EFCAB6: variants seen among roughly 807,000 people sequenced by gnomAD.
EFCAB6 encodes the protein EF-hand calcium-binding domain-containing protein 6.
A neutral mutation model predicts 169.8 loss-of-function variants in EFCAB6; 156 were observed. The ratio of observed to expected loss-of-function variants is 0.92; its 90% CI spans 0.81 to 1.05. EFCAB6 has a LOEUF of 1.05. Ranked by LOEUF, EFCAB6 falls within the 50% of genes least tolerant of loss-of-function variation. The pLI, the probability that EFCAB6 is intolerant of heterozygous loss-of-function variation, is 0.00. For synonymous variants in EFCAB6, 698 were observed against 676.4 expected (o/e 1.03, Z -0.50); for missense variants, 1,800 against 1,829.1 (o/e 0.98, Z 0.29).
intron 13 of EFCAB6, among the ~76,000 whole-genome samples, chr22:43,675,277 AATATAATT>A (rs2057677235): frequency 7.4e-6 from 1 of 135,224 alleles, no homozygotes; most frequent in African/African-American, 2.7e-5. Context: ...ATTATGCTAT[AATATAATT>A]ATTATATAGC....
At chr22:43,621,461 A>T (rs895468392) in intron 20 of EFCAB6, among the ~76,000 whole-genome samples, 28 of 152,158 alleles carry the variant, frequency 1.8e-4, no homozygotes, top group African/African-American at 6.5e-4. Flanking sequence ...CCATGGATCC[A>T]AGAGGAAGTC....
At chr22:43,579,286 G>A (rs1266328669) in intron 25 of EFCAB6, among the ~76,000 whole-genome samples, 1 of 146,804 alleles carries the variant, frequency 6.8e-6, no homozygotes, top group Non-Finnish European at 1.5e-5. Flanking sequence ...TTCCCTATAC[G>A]CAGGCATTAT....
intron 6 of EFCAB6, among the ~76,000 whole-genome samples, chr22:43,743,478 C>T (rs1377197833): frequency 6.6e-6 from 1 of 152,200 alleles, no homozygotes; most frequent in Non-Finnish European, 1.5e-5. Context: ...GGGAAAGCAG[C>T]CTGATTCCTC....
intron 20 of EFCAB6, among the ~76,000 whole-genome samples, chr22:43,624,396 A>G (rs980059538): frequency 6.6e-6 from 1 of 152,042 alleles, no homozygotes; most frequent in Non-Finnish European, 1.5e-5. Flanking sequence ...CTGCCTACTG[A>G]TAGAAGGTGA....
intron 2 of EFCAB6, among the ~76,000 whole-genome samples, chr22:43,783,321 G>A (rs369300725): frequency 5.3e-5 from 8 of 152,280 alleles, no homozygotes; most frequent in Non-Finnish European, 1.0e-4. Flanking sequence ...TTGAAAAAGC[G>A]CCCACATATT....
intron 17 of EFCAB6, among the ~76,000 whole-genome samples, chr22:43,636,676 C>T (rs1189332611): frequency 6.7e-6 from 1 of 148,530 alleles, no homozygotes; most frequent in African/African-American, 2.5e-5. Flanking sequence ...AACGGTGCTA[C>T]CTAGGTGCAC....
At chr22:43,541,366 G>A (rs558824200) in intron 27 of EFCAB6, among the ~76,000 whole-genome samples, 1 of 152,298 alleles carries the variant, frequency 6.6e-6, no homozygotes, top group East Asian at 1.9e-4. Flanking sequence ...TTGGGACAAG[G>A]TTCTCAATTT....
chr22:43,664,141 G>A (rs971495585), intron 17 of EFCAB6, among the ~76,000 whole-genome samples: 4 of 152,176 alleles, frequency 2.6e-5, no homozygotes, highest in African/African-American at 4.8e-5. Flanking sequence ...CTTTGGGGTC[G>A]GCCAGCACCC....
rs367565154 is a variant in EFCAB6, at chr22:43,554,898, G to A, written c.3619C>T (p.Arg1207Cys). 1.3e-5 allele frequency: 21 copies of A among 1,614,166 alleles called. No homozygotes were observed. The highest frequency in any genetic ancestry group is 5.3e-5 in the African/African-American group (4 of 75,034). ...TCGTCCGTCAGGATTTGGACGCGGC[G>A]ATTACAAATGGCCCTAAACTCCTCT... ...SREEFRAICN[R>C]RVQILTDEQF... is the part of the protein sequence containing the mutation. The change falls in exon 27 of 32, where the codon CGC (arginine) becomes TGC (cysteine). Residue 1207 changes from arginine to cysteine, a missense_variant. Physicochemically the swap from Arg to Cys is radical, Grantham distance 180. Coordinates refer to ENST00000262726, the MANE Select transcript of EFCAB6 (RefSeq NM_022785.4).
chr22:43,780,328 A>T (rs1338118209), intron 3 of EFCAB6, among the ~76,000 whole-genome samples: 1 of 151,880 alleles, frequency 6.6e-6, no homozygotes, highest in Non-Finnish European at 1.5e-5. Flanking sequence ...CTCTACTAAA[A>T]ATACAAAAAT....
rs772599532 is a variant in EFCAB6, at chr22:43,678,130, G to A, written c.1285C>T (p.Arg429Ter). 5.6e-6 allele frequency: 9 copies of A among 1,601,652 alleles called. No homozygotes were observed. Among genetic ancestry groups the A allele is most frequent in the Admixed American group, 3.4e-5 (2 of 59,194 alleles). The change falls in exon 13 of 32, where the codon CGA becomes TGA. Residue 429 changes from arginine (R) to a stop codon, truncating the protein, a stop_gained. Coordinates refer to ENST00000262726, the MANE Select transcript of EFCAB6 (RefSeq NM_022785.4). LOFTEE classifies it high-confidence loss of function. ...ACAGCCATGCAATTTAGAATATATC[G>A]AAATTCTTCTCTTGTTATCGGTCCA... ...PDGPITREEF[R>*]YILNCMAVKL... is the part of the protein sequence containing the mutation.
chr22:43,622,852 T>C (rs959337481), intron 20 of EFCAB6, among the ~76,000 whole-genome samples: 1 of 152,194 alleles, frequency 6.6e-6, no homozygotes, highest in Non-Finnish European at 1.5e-5. Context: ...TTCAGTTTTC[T>C]TGCGGCAGTG....
chr22:43,726,557 C>A (rs1314772115), intron 8 of EFCAB6, among the ~76,000 whole-genome samples: 1 of 152,234 alleles, frequency 6.6e-6, no homozygotes, highest in Admixed American at 6.5e-5. Flanking sequence ...CAGGCCCCAG[C>A]TGGAATCATG....
At chr22:43,778,905 T>G (rs1447014682) in intron 3 of EFCAB6, among the ~76,000 whole-genome samples, 1 of 152,100 alleles carries the variant, frequency 6.6e-6, no homozygotes, top group African/African-American at 2.4e-5. Flanking sequence ...TTTTTTTAAT[T>G]GCAAGACAAG....
At chr22:43,637,664 C>T (rs1039856917) in intron 17 of EFCAB6, among the ~76,000 whole-genome samples, 2 of 152,116 alleles carry the variant, frequency 1.3e-5, no homozygotes, top group African/African-American at 4.8e-5. Flanking sequence ...CAGGGCCTGC[C>T]TGTGGAATTC....
At chr22:43,712,197 A>G (rs5764226) in intron 9 of EFCAB6, among the ~76,000 whole-genome samples, 115,864 of 152,052 alleles carry the variant, frequency 0.76, 44,297 homozygotes, top group East Asian at 0.86. Flanking sequence ...ATGCAGTAAC[A>G]TAGGTTAACC....
intron 21 of EFCAB6, among the ~76,000 whole-genome samples, chr22:43,614,860 G>A (rs555211463): frequency 1.5e-4 from 22 of 149,744 alleles, no homozygotes; most frequent in Non-Finnish European, 2.4e-4. Context: ...CAGACAGTCT[G>A]CTTTATGGAG....
intron 13 of EFCAB6, among the ~76,000 whole-genome samples, chr22:43,677,473 C>G (rs972924192): frequency 6.6e-6 from 1 of 152,106 alleles, no homozygotes; most frequent in Non-Finnish European, 1.5e-5. Context: ...TGGTGAAACC[C>G]TGTCTCTACT....
At chr22:43,786,810 T>C (rs537428731) in intron 2 of EFCAB6, among the ~76,000 whole-genome samples, 2 of 151,934 alleles carry the variant, frequency 1.3e-5, no homozygotes, top group East Asian at 1.9e-4. Flanking sequence ...TTCTCAAAAA[T>C]AGAATCCAGC....
Sources: gnomAD v4.1 joint callset for allele counts (sites outside exome capture counted in the v4.1 genomes callset) on GRCh38, gnomAD v4.1.1 for gene constraint, MANE v1.5 for transcripts, NCBI Gene and HGNC (gene_info 2026-07-23, HGNC 2026-07-21) for gene names.